Variants in AKT3 observed in about 807,000 individuals in gnomAD.
AKT3 encodes the protein AKT serine/threonine kinase 3.
Under a neutral mutation model 65.3 loss-of-function variants are expected in AKT3, and 15 were observed. The ratio of observed to expected loss-of-function variants is 0.23; its 90% confidence interval spans 0.15 to 0.35. The LOEUF is 0.35. Among genes scored for constraint, AKT3 ranks in the 10% least tolerant of loss-of-function variants. AKT3 has a pLI of 1.00. For missense variants in AKT3, 243 were observed against 576.5 expected (o/e 0.42, Z 5.92); for synonymous variants, 206 against 183.8 (o/e 1.12, Z -0.98).
chr1:243,502,141 T>C lies in AKT3; in HGVS notation c.*3108A>G, dbSNP rs955136499. The C allele has an allele frequency of 9.9e-5, 23 of 231,816 alleles. No individual in the cohort carries two copies. Among genetic ancestry groups the C allele is most frequent in the African/African-American group, 4.9e-4 (22 of 45,266 alleles). 14.4% of individuals were successfully genotyped at this position (231,816 alleles called of 1,614,324 possible). A position where few individuals can be genotyped will look rare whatever the true frequency, so the allele number is the denominator to read the frequency against. ...AAATAAATACTTTACATTTCATGCT[T>C]GCCTGTAATGCACTACCAGGAGCAA... On this transcript the variant is annotated 3_prime_UTR_variant, in exon 14 of 14. Coordinates refer to ENST00000673466, the MANE Select transcript of AKT3 (RefSeq NM_005465.7).
rs548657840 is a variant in AKT3, at chr1:243,561,513, AT to A, written c.948+2206del. 6.9e-3 allele frequency among the ~76,000 whole-genome samples: 1,052 copies of A among 152,266 alleles called. 9 individuals carry two copies. The highest frequency in any genetic ancestry group is 0.012 in the Non-Finnish European group (783 of 68,012). ...AGCTGTGTACAGATAACATTTAAATATTCTGATCTTATGATCCCTCACCTTT... is the reference window on the plus strand; with the variant it reads ...AGCTGTGTACAGATAACATTTAAATATCTGATCTTATGATCCCTCACCTTT... On this transcript the variant is annotated intron_variant, in intron 10 of 13. Transcript: ENST00000673466.
chr1:243,780,932 TA>T (rs996354232), intron 2 of AKT3, among the ~76,000 whole-genome samples: 2 of 151,968 alleles, frequency 1.3e-5, no homozygotes, highest in Non-Finnish European at 2.9e-5. Flanking sequence ...AACTTATGCC[TA>T]GGGAAAAAAA....
At chr1:243,585,910 G>C (rs1272473117) in intron 8 of AKT3, among the ~76,000 whole-genome samples, 2 of 152,110 alleles carry the variant, frequency 1.3e-5, no homozygotes, top group African/African-American at 4.8e-5. Flanking sequence ...ACACTAAAGA[G>C]AATCTGTACA....
intron 5 of AKT3, among the ~76,000 whole-genome samples, chr1:243,642,512 T>C (rs562910459): frequency 1.3e-5 from 2 of 152,096 alleles, no homozygotes; most frequent in South Asian, 2.1e-4. Context: ...GGTTTCACCG[T>C]GTTAGCCAGG....
chr1:243,583,195 T>TATATATATATATAC (rs759291565), intron 8 of AKT3, among the ~76,000 whole-genome samples: 30 of 88,248 alleles, frequency 3.4e-4, no homozygotes, highest in African/African-American at 1.4e-3. Context: ...TATATATATA[T>TATATATATATATAC]ACACACACAC....
intron 9 of AKT3, 22 bp downstream of exon 9, chr1:243,572,904 A>G (rs774664577): frequency 1.9e-6 from 3 of 1,572,080 alleles, no homozygotes; most frequent in Admixed American, 1.8e-5. Flanking sequence ...ACAAATTTTG[A>G]TTACTTTTTT....
chr1:243,688,970 A>C (rs1418819848), intron 3 of AKT3, among the ~76,000 whole-genome samples: 1 of 152,160 alleles, frequency 6.6e-6, no homozygotes, highest in Non-Finnish European at 1.5e-5. Context: ...ACAAAAACAT[A>C]ATCAAATCCT....
intron 6 of AKT3, among the ~76,000 whole-genome samples, chr1:243,628,184 C>T (rs1679327452): frequency 6.6e-6 from 1 of 152,162 alleles, no homozygotes; most frequent in Admixed American, 6.5e-5. Flanking sequence ...CTAAAATATC[C>T]ATGTCTTGGG....
chr1:243,748,432 C>T (rs1688608564), intron 2 of AKT3, among the ~76,000 whole-genome samples: 1 of 152,040 alleles, frequency 6.6e-6, no homozygotes. Context: ...AAACTATACT[C>T]ACAACTTTGG....
chr1:243,729,226 T>C (rs1687396338), intron 2 of AKT3, among the ~76,000 whole-genome samples: 3 of 152,112 alleles, frequency 2.0e-5, no homozygotes, highest in Admixed American at 2.0e-4. Context: ...ATAGAGGCAG[T>C]AGCAGAATGG....
rs148877930 is a variant in AKT3, at chr1:243,783,326, G to A, written c.46+59799C>T. Among the ~76,000 whole-genome samples the A allele has an allele frequency of 1.4e-3, 219 of 152,330 alleles. 1 individual carries two copies. The highest frequency in any genetic ancestry group is 5.1e-3 in the African/African-American group (210 of 41,568). Reference sequence around the variant, plus strand: ...GATGGCCAATGATTTGATTAATTATGTCTACACATAAAAGCCAAAACCATG... The same window carrying A: ...GATGGCCAATGATTTGATTAATTATATCTACACATAAAAGCCAAAACCATG... On this transcript the variant is annotated intron_variant, in intron 2 of 13. Coordinates refer to ENST00000673466, the MANE Select transcript of AKT3 (RefSeq NM_005465.7).
At chr1:243,808,406 G>A (rs542237240) in intron 2 of AKT3, among the ~76,000 whole-genome samples, 6 of 152,160 alleles carry the variant, frequency 3.9e-5, no homozygotes, top group Non-Finnish European at 8.8e-5. Flanking sequence ...TAGCCGATTC[G>A]ATCAACTGGA....
At chr1:243,772,704 T>C (rs529690050) in intron 2 of AKT3, among the ~76,000 whole-genome samples, 51 of 152,262 alleles carry the variant, frequency 3.3e-4, no homozygotes, top group Middle Eastern at 6.8e-3. Flanking sequence ...CCCAAAGGAA[T>C]ATAAATCATG....
At chr1:243,756,630 T>C (rs1163146003) in intron 2 of AKT3, among the ~76,000 whole-genome samples, 1 of 152,216 alleles carries the variant, frequency 6.6e-6, no homozygotes, top group East Asian at 1.9e-4. Flanking sequence ...CTAATGAATG[T>C]TGAAGAAACA....
chr1:243,723,320 A>G (rs1037116355), intron 2 of AKT3, among the ~76,000 whole-genome samples: 7 of 152,314 alleles, frequency 4.6e-5, no homozygotes, highest in African/African-American at 1.7e-4. Flanking sequence ...AGAAGAAAGA[A>G]AGAGCCATAC....
chr1:243,718,624 G>A (rs1686671908), intron 2 of AKT3, among the ~76,000 whole-genome samples: 2 of 138,558 alleles, frequency 1.4e-5, no homozygotes, highest in South Asian at 4.7e-4. Context: ...CACCACGCCT[G>A]GATAATTTTC....
rs1676850536 is a variant in AKT3, at chr1:243,599,395, A to C, written c.696+14276T>G. Reference sequence around the variant, plus strand: ...CAAAAACAGTGTATTGTAAAGGTTAAAAAATACATGGAAGTAAAATGTCTG... The same window carrying C: ...CAAAAACAGTGTATTGTAAAGGTTACAAAATACATGGAAGTAAAATGTCTG... On this transcript the variant is annotated intron_variant, in intron 8 of 13. Transcript: ENST00000673466. Among the ~76,000 whole-genome samples the C allele has an allele frequency of 2.0e-5, 3 of 152,200 alleles. No homozygotes were observed. In the South Asian group the frequency reaches 6.2e-4, roughly 31 times the overall value.
At chr1:243,589,315 A>AAGAAAAAAAG (rs1676044089) in intron 8 of AKT3, among the ~76,000 whole-genome samples, 1 of 149,488 alleles carries the variant, frequency 6.7e-6, no homozygotes, top group Non-Finnish European at 1.5e-5. Context: ...TCAAAAAAAA[A>AAGAAAAAAAG]AAAAAAAAAG....
chr1:243,800,587 G>A (rs541931630), intron 2 of AKT3, among the ~76,000 whole-genome samples: 66 of 152,068 alleles, frequency 4.3e-4, no homozygotes, highest in Middle Eastern at 3.4e-3. Context: ...GTGTGGTGGC[G>A]CACACCTGTA....
Sources: gnomAD v4.1 joint callset for allele counts (sites outside exome capture counted in the v4.1 genomes callset) on GRCh38, gnomAD v4.1.1 for gene constraint, MANE v1.5 for transcripts, NCBI Gene and HGNC (gene_info 2026-07-23, HGNC 2026-07-21) for gene names.